The following SHANK2 variants were observed in gnomAD, a reference collection of about 807,000 sequenced individuals.
SHANK2 encodes the protein SH3 and multiple ankyrin repeat domains protein 2.
SHANK2 carries 43 observed loss-of-function variants against 133.7 expected under a neutral mutation model. The observed-to-expected ratio is 0.32, with a 90% CI of 0.25 to 0.41. SHANK2 has a LOEUF of 0.41. SHANK2 is among the 10% of genes least tolerant of loss of function. The probability of loss-of-function intolerance (pLI) is 1.00; values close to 1 mark genes in which losing one functional copy is unlikely to be tolerated. For synonymous variants in SHANK2, 1,017 were observed against 952.8 expected (o/e 1.07, Z -1.24); for missense variants, 1,994 against 2,235.8 (o/e 0.89, Z 2.18).
intron 1 of SHANK2, among the ~76,000 whole-genome samples, chr11:71,231,205 G>C (rs1954735726): frequency 6.6e-6 from 1 of 151,942 alleles, no homozygotes; most frequent in Admixed American, 6.6e-5. Context: ...CTAGAATAAA[G>C]AACTCTCAAA....
At chr11:70,653,176 T>C (rs1281552738) in intron 17 of SHANK2, among the ~76,000 whole-genome samples, 2 of 152,112 alleles carry the variant, frequency 1.3e-5, no homozygotes, top group African/African-American at 4.8e-5. Flanking sequence ...GGTTTCACCA[T>C]GTTAGCCAGG....
Position 71,252,331 on chromosome 11 carries a change from C to A in SHANK2, c.-113+94G>T, listed in dbSNP as rs1277937929. On this transcript the variant is annotated intron_variant, in intron 1 of 25. Transcript: ENST00000601538. The surrounding 1 kb of genome is among the most constrained non-coding windows in gnomAD (Gnocchi z 6.3). ...AGTTGGTGCTCCCGGAATCGAGATG[C>A]CCCCAAAATGCCGTCAGTGAGCAGG... is the stretch of plus-strand genomic sequence containing the variant. 6.6e-6 allele frequency: 1 copy of A among 152,222 alleles called. No individual in the cohort carries two copies. Among genetic ancestry groups the A allele is most frequent in the Non-Finnish European group, 1.5e-5 (1 of 68,104 alleles). The allele number at this position is 152,222 out of a possible 1,614,324, so 9.4% of individuals were successfully genotyped here. A position where few individuals can be genotyped will look rare whatever the true frequency, so the allele number is the denominator to read the frequency against.
intron 6 of SHANK2, among the ~76,000 whole-genome samples, chr11:71,097,540 G>A (rs1309963647): frequency 1.3e-5 from 2 of 152,214 alleles, no homozygotes; most frequent in South Asian, 2.1e-4. Context: ...CGTGAACAAC[G>A]GGTGGGAGTA....
At chr11:71,238,093 CT>C (rs1333052097) in intron 1 of SHANK2, among the ~76,000 whole-genome samples, 4 of 152,204 alleles carry the variant, frequency 2.6e-5, no homozygotes, top group Non-Finnish European at 5.9e-5. Context: ...CTTGCAAGAG[CT>C]GGGAGGCTGC....
Position 70,500,724 on chromosome 11 carries a change from C to A in SHANK2, c.2288-134G>T. The A allele has an allele frequency of 8.3e-7, 1 of 1,202,014 alleles. No homozygotes were observed. The highest frequency in any genetic ancestry group is 1.3e-5 in the South Asian group (1 of 76,972). The allele number at this position is 1,202,014 out of a possible 1,614,324, so 74.5% of individuals were successfully genotyped here. A position where few individuals can be genotyped will look rare whatever the true frequency, so the allele number is the denominator to read the frequency against. On this transcript the variant is annotated intron_variant, in intron 20 of 25. Transcript: ENST00000601538. This position sits in a 1 kb window ranked among gnomAD's most constrained non-coding sequence, Gnocchi z 4.5. ...CAATGGGGCGGCAGGCAGGGGCTGT[C>A]TGGAACGCTGCGAACGCAGGCTGCG...
chr11:71,061,234 C>T (rs1038570334), intron 9 of SHANK2, among the ~76,000 whole-genome samples: 20 of 152,268 alleles, frequency 1.3e-4, no homozygotes, highest in Non-Finnish European at 1.5e-4. Flanking sequence ...CACATCTACT[C>T]ACCTGCATAT....
rs1204207710 is a variant in SHANK2, at chr11:70,503,053, A to C, written c.2062-122T>G. The C allele has an allele frequency of 3.8e-6, 4 of 1,058,762 alleles. No individual in the cohort carries two copies. In the African/African-American group the frequency reaches 6.2e-5, roughly 16 times the overall value. 65.6% of individuals were successfully genotyped at this position (1,058,762 alleles called of 1,614,324 possible). A position where few individuals can be genotyped will look rare whatever the true frequency, so the allele number is the denominator to read the frequency against. ...GGGGCAAATGCAGGGAAGCAAAGGG[A>C]GTGAGACCGTCATCTTTTTGGAAGC... On this transcript the variant is annotated intron_variant, in intron 17 of 25. Transcript: ENST00000601538.
At chr11:70,914,461 C>T (rs1452048906) in intron 10 of SHANK2, among the ~76,000 whole-genome samples, 3 of 151,810 alleles carry the variant, frequency 2.0e-5, no homozygotes, top group African/African-American at 7.3e-5. Flanking sequence ...AAAAACCCAG[C>T]CTCGCACAGA....
chr11:71,084,032 C>T (rs1467061603), intron 8 of SHANK2, among the ~76,000 whole-genome samples: 8 of 150,330 alleles, frequency 5.3e-5, no homozygotes, highest in Non-Finnish European at 5.9e-5. Context: ...TGCAGTGGCG[C>T]AGTCTCAGCT....
intron 17 of SHANK2, among the ~76,000 whole-genome samples, chr11:70,582,716 G>A (rs1224397249): frequency 2.0e-5 from 3 of 152,316 alleles, no homozygotes; most frequent in South Asian, 2.1e-4. Context: ...GATGACAGCC[G>A]AAAACACAGC....
rs1322143159 is a variant in SHANK2, at chr11:71,166,473, C to CTTTTTTTTTTTT, written c.-12-19136_-12-19135insAAAAAAAAAAAA. ...TTGGTTTACCTTCCAATCCACACGTCTTTTTTTTCTTTTCTTTTTTTTTTG... is the reference window on the plus strand; with the variant it reads ...TTGGTTTACCTTCCAATCCACACGTCTTTTTTTTTTTTTTTTTTTTCTTTTCTTTTTTTTTTG... On this transcript the variant is annotated intron_variant, in intron 2 of 25. Transcript: ENST00000601538. 4.6e-5 allele frequency among the ~76,000 whole-genome samples: 6 copies of CTTTTTTTTTTTT among 131,382 alleles called. 2 individuals are homozygous for CTTTTTTTTTTTT. Among genetic ancestry groups the CTTTTTTTTTTTT allele is most frequent in the African/African-American group, 2.9e-5 (1 of 35,000 alleles). 86.2% of individuals were successfully genotyped at this position (131,382 alleles called of 152,430 possible). A position where few individuals can be genotyped will look rare whatever the true frequency, so the allele number is the denominator to read the frequency against.
At chr11:71,170,698 C>T (rs1953296517) in intron 2 of SHANK2, among the ~76,000 whole-genome samples, 1 of 152,204 alleles carries the variant, frequency 6.6e-6, no homozygotes, top group Non-Finnish European at 1.5e-5. Context: ...GTTGCCTGTT[C>T]CCGACCTCCA....
chr11:70,489,920 C>G (rs1398067818), intron 23 of SHANK2: 1 of 340,822 alleles, frequency 2.9e-6, no homozygotes, highest in Admixed American at 4.1e-5. Context: ...ACCCACTTAC[C>G]CTTCCCACCC....
chr11:70,920,723 TTGCTGGTAAG>T (rs1555080574), intron 10 of SHANK2, among the ~76,000 whole-genome samples: 1 of 152,184 alleles, frequency 6.6e-6, no homozygotes, highest in Non-Finnish European at 1.5e-5. Context: ...CAGCAGAGTA[TTGCTGGTAAG>T]TGCTGGCAGC....
chr11:70,505,474 C>T (rs1392873165), intron 17 of SHANK2, among the ~76,000 whole-genome samples: 1 of 152,096 alleles, frequency 6.6e-6, no homozygotes, highest in Non-Finnish European at 1.5e-5. Flanking sequence ...GAGCCCCCAG[C>T]TGCCTGGCCA....
intron 11 of SHANK2, among the ~76,000 whole-genome samples, chr11:70,886,374 C>T (rs1314763066): frequency 6.6e-6 from 1 of 152,166 alleles, no homozygotes; most frequent in Non-Finnish European, 1.5e-5. Flanking sequence ...AGGGTTTATT[C>T]TTAACATGCA....
At chr11:71,210,910 C>T (rs1396351634) in intron 2 of SHANK2, among the ~76,000 whole-genome samples, 3 of 152,166 alleles carry the variant, frequency 2.0e-5, no homozygotes, top group South Asian at 2.1e-4. Context: ...CTCATCCTCA[C>T]GGATTTGGGG....
intron 13 of SHANK2, among the ~76,000 whole-genome samples, chr11:70,805,861 A>C (rs1948147268): frequency 6.6e-6 from 1 of 152,252 alleles, no homozygotes; most frequent in South Asian, 2.1e-4. Context: ...AACAATAACC[A>C]ATAGAAATGA....
intron 14 of SHANK2, among the ~76,000 whole-genome samples, chr11:70,732,645 G>T (rs1555032535): frequency 1.7e-4 from 26 of 152,222 alleles, no homozygotes; most frequent in Non-Finnish European, 3.7e-4. Flanking sequence ...CCGCCATGGG[G>T]CCTTTGCACC....
Sources: gnomAD v4.1 joint callset for allele counts (sites outside exome capture counted in the v4.1 genomes callset) on GRCh38, gnomAD v4.1.1 for gene constraint, Gnocchi (gnomAD v3.1) non-coding constraint, MANE v1.5 for transcripts, NCBI Gene and HGNC (gene_info 2026-07-23, HGNC 2026-07-21) for gene names.